Variants in FAF1 observed in about 807,000 individuals in gnomAD.
FAF1 encodes FAS-associated factor 1.
Under a neutral mutation model 92.5 loss-of-function variants are expected in FAF1, and 25 were observed. The observed-to-expected ratio is 0.27, with a 90% CI of 0.20 to 0.38. The LOEUF (loss-of-function observed/expected upper bound fraction) is 0.38. Ranked by LOEUF, FAF1 falls within the 10% of genes least tolerant of loss-of-function variation. FAF1 has a pLI of 1.00. For synonymous variants in FAF1, 234 were observed against 273.2 expected (o/e 0.86, Z 1.42); for missense variants, 636 against 793.3 (o/e 0.80, Z 2.38).
intron 15 of FAF1, among the ~76,000 whole-genome samples, chr1:50,528,665 AAAC>A (rs913005377): frequency 2.9e-4 from 44 of 152,308 alleles, no homozygotes; most frequent in African/African-American, 1.0e-3. Flanking sequence ...GTTGACCCTT[AAAC>A]AACAAGGGTC....
chr1:50,513,464 T>G (rs1242399354), intron 15 of FAF1, among the ~76,000 whole-genome samples: 1 of 152,144 alleles, frequency 6.6e-6, no homozygotes, highest in African/African-American at 2.4e-5. Context: ...CACTCCAGTC[T>G]GGGTGACCAG....
At chr1:50,731,436 C>G (rs1658916782) in intron 6 of FAF1, among the ~76,000 whole-genome samples, 1 of 147,180 alleles carries the variant, frequency 6.8e-6, no homozygotes, top group Non-Finnish European at 1.5e-5. Context: ...GTGGTACAGT[C>G]TTGGCTCACT....
intron 1 of FAF1, among the ~76,000 whole-genome samples, chr1:50,873,506 A>C (rs537229090): frequency 7.2e-5 from 11 of 152,266 alleles, no homozygotes; most frequent in African/African-American, 2.6e-4. Context: ...TTACTTCCCC[A>C]TCTGGGCAAG....
rs111669251 is a variant in FAF1 at position 50,472,915 on chromosome 1, T to G, written c.1869+2549A>C. ...GAATTCAGAGAAGAATGAAGGGCCT[T>G]TAACTCTCACCCCACCCCTGGCTCT... On this transcript the variant is annotated intron_variant, in intron 18 of 18. Coordinates refer to ENST00000396153, the MANE Select transcript of FAF1 (RefSeq NM_007051.3). Among the ~76,000 whole-genome samples the G allele has an allele frequency of 3.0e-3, 460 of 152,266 alleles. 4 individuals are homozygous for G. The highest frequency in any genetic ancestry group is 0.011 in the African/African-American group (437 of 41,550).
chr1:50,697,103 A>G (rs1657266910), intron 7 of FAF1, among the ~76,000 whole-genome samples: 1 of 152,200 alleles, frequency 6.6e-6, no homozygotes, highest in African/African-American at 2.4e-5. Context: ...TTCACTTGAA[A>G]CATTAAAGAA....
At chr1:50,883,129 AG>A (rs1644627895) in intron 1 of FAF1, among the ~76,000 whole-genome samples, 1 of 152,130 alleles carries the variant, frequency 6.6e-6, no homozygotes, top group Non-Finnish European at 1.5e-5. Flanking sequence ...TTACGCACCT[AG>A]GATGCAATTC....
intron 1 of FAF1, among the ~76,000 whole-genome samples, chr1:50,925,078 T>G (rs540544824): frequency 6.6e-6 from 1 of 152,268 alleles, no homozygotes; most frequent in Non-Finnish European, 1.5e-5. Context: ...TTTAGCCAAC[T>G]GATACTCAGC....
At chr1:50,713,430 C>T (rs1658032438) in intron 6 of FAF1, among the ~76,000 whole-genome samples, 1 of 151,966 alleles carries the variant, frequency 6.6e-6, no homozygotes, top group Non-Finnish European at 1.5e-5. Flanking sequence ...TGTGCCACCA[C>T]ACCTGGCTAA....
chr1:50,676,416 A>G (rs947634216), intron 7 of FAF1, among the ~76,000 whole-genome samples: 1 of 152,024 alleles, frequency 6.6e-6, no homozygotes, highest in Non-Finnish European at 1.5e-5. Context: ...TTAAAAAAAA[A>G]AAAAGAAAGA....
chr1:50,545,131 T>G (rs571761270), intron 13 of FAF1, among the ~76,000 whole-genome samples: 1 of 152,110 alleles, frequency 6.6e-6, no homozygotes, highest in East Asian at 1.9e-4. Context: ...GCTAATTTAC[T>G]CATTATATAT....
At chr1:50,845,531 A>G (rs1570042233) in intron 2 of FAF1, among the ~76,000 whole-genome samples, 1 of 151,600 alleles carries the variant, frequency 6.6e-6, no homozygotes, top group Non-Finnish European at 1.5e-5. Context: ...GCACAGAGGG[A>G]CCCCACACTC....
intron 8 of FAF1, chr1:50,612,432 C>T: frequency 8.9e-7 from 1 of 1,127,428 alleles, no homozygotes; most frequent in African/African-American, 1.7e-5. Flanking sequence ...AATCAGTGGT[C>T]ATTTCAGCTC....
In FAF1 at chr1:50,453,748, G is replaced by C. The variant is rs1023952402; in HGVS notation, c.1870-12225C>G. 2.0e-5 allele frequency among the ~76,000 whole-genome samples: 3 copies of C among 152,356 alleles called. No individual in the cohort carries two copies. In the East Asian group the frequency reaches 5.8e-4, roughly 29 times the overall value. On this transcript the variant is annotated intron_variant, in intron 18 of 18. Transcript: ENST00000396153. ...TGAGAAAGAAAAGTATTTAGGAAGA[G>C]AGGATGCTAGGAAAGTGGTACTTGA...
chr1:50,769,794 T>C (rs1315256329), intron 4 of FAF1, among the ~76,000 whole-genome samples: 1 of 152,210 alleles, frequency 6.6e-6, no homozygotes, highest in Non-Finnish European at 1.5e-5. Context: ...CTCACGTCTA[T>C]GATCCCAGCA....
intron 6 of FAF1, among the ~76,000 whole-genome samples, chr1:50,718,168 C>T (rs1044655460): frequency 3.3e-5 from 5 of 151,910 alleles, no homozygotes; most frequent in African/African-American, 7.3e-5. Context: ...TACAGGCACC[C>T]GAGTAGCTGG....
At chr1:50,764,924 C>T (rs1264870745) in intron 4 of FAF1, among the ~76,000 whole-genome samples, 11 of 152,164 alleles carry the variant, frequency 7.2e-5, no homozygotes, top group Non-Finnish European at 8.8e-5. Context: ...TCTATCTTTA[C>T]GTTGGAAACT....
At chr1:50,664,034 T>C (rs1456883327) in intron 7 of FAF1, among the ~76,000 whole-genome samples, 3 of 146,604 alleles carry the variant, frequency 2.0e-5, no homozygotes, top group East Asian at 2.0e-4. Context: ...AGTCTCGCTC[T>C]GTCACCAGGC....
intron 17 of FAF1, among the ~76,000 whole-genome samples, chr1:50,478,725 T>C (rs1444046750): frequency 6.6e-6 from 1 of 152,220 alleles, no homozygotes; most frequent in African/African-American, 2.4e-5. Flanking sequence ...TTTCCAAAAC[T>C]TTTTCATCAC....
At chr1:50,619,078 T>A (rs1340245630) in intron 8 of FAF1, among the ~76,000 whole-genome samples, 1 of 152,174 alleles carries the variant, frequency 6.6e-6, no homozygotes, top group Non-Finnish European at 1.5e-5. Flanking sequence ...TATGTTTTAT[T>A]TCTGCGTGGT....
Sources: gnomAD v4.1 joint callset for allele counts (sites outside exome capture counted in the v4.1 genomes callset) on GRCh38, gnomAD v4.1.1 for gene constraint, MANE v1.5 for transcripts, NCBI Gene and HGNC (gene_info 2026-07-23, HGNC 2026-07-21) for gene names.